The following HPSE2 variants were observed in gnomAD, a reference collection of about 807,000 sequenced individuals.
HPSE2 encodes the protein inactive heparanase-2.
HPSE2 carries 38 observed loss-of-function variants against 60.5 expected under a neutral mutation model. The observed-to-expected ratio is 0.63, with a 90% CI of 0.48 to 0.82. The LOEUF is 0.82. HPSE2 is among the 40% of genes least tolerant of loss of function. The pLI is 0.00. For synonymous variants in HPSE2, 295 were observed against 293.2 expected (o/e 1.01, Z -0.06); for missense variants, 713 against 740.4 (o/e 0.96, Z 0.43).
chr10:99,190,383 T>C (rs553951907), intron 2 of HPSE2, among the ~76,000 whole-genome samples: 15 of 152,334 alleles, frequency 9.8e-5, no homozygotes, highest in East Asian at 9.6e-4. Context: ...ATCTGTTACA[T>C]AGAATTTCTG....
chr10:98,708,523 A>G (rs933868082), intron 5 of HPSE2, among the ~76,000 whole-genome samples: 20 of 152,150 alleles, frequency 1.3e-4, no homozygotes, highest in African/African-American at 4.8e-4. Context: ...TTTTAACCGT[A>G]GTGGTATATT....
At position 98,704,957 on chromosome 10, in the gene HPSE2, T is replaced by G. The variant is rs200520111; in HGVS notation, c.957-11010A>C. Among the ~76,000 whole-genome samples, 19 of 152,036 alleles carry G rather than the reference T, an allele frequency of 1.2e-4. No homozygotes were observed. In the East Asian group the frequency reaches 3.5e-3, roughly 28 times the overall value. On this transcript the variant is annotated intron_variant, in intron 5 of 11. Coordinates refer to ENST00000370552, the MANE Select transcript of HPSE2 (RefSeq NM_021828.5). The stretch of plus-strand genomic sequence containing the variant: ...TTCTGCCCAGCAAAAGAAACTACAA[T>G]CAGAGTAAATAGGCAACATACAGAA...
intron 3 of HPSE2, among the ~76,000 whole-genome samples, chr10:98,799,748 C>A (rs1328974242): frequency 6.7e-6 from 1 of 150,368 alleles, no homozygotes; most frequent in Non-Finnish European, 1.5e-5. Flanking sequence ...AATGAAAACA[C>A]AACATACCAC....
intron 5 of HPSE2, among the ~76,000 whole-genome samples, chr10:98,720,319 GGTT>G (rs757951392): frequency 9.2e-5 from 14 of 151,798 alleles, no homozygotes; most frequent in Non-Finnish European, 2.1e-4. Context: ...ATAAGAATTT[GGTT>G]GTGTTACTAA....
At chr10:99,046,577 C>T (rs1957860536) in intron 3 of HPSE2, among the ~76,000 whole-genome samples, 1 of 152,040 alleles carries the variant, frequency 6.6e-6, no homozygotes, top group Admixed American at 6.6e-5. Flanking sequence ...ACCTAGAAAA[C>T]CCTAAAGACT....
At chr10:99,264,288 TGTGTTA>T in the HPSE2 span, among the ~76,000 whole-genome samples, 2 of 152,122 alleles carry the variant, frequency 1.3e-5, no homozygotes, top group East Asian at 3.9e-4. Context: ...AGCATTTCAC[TGTGTTA>T]GCCTGGATGG....
chr10:99,307,867 C>T, the HPSE2 span, among the ~76,000 whole-genome samples: 6 of 151,416 alleles, frequency 4.0e-5, no homozygotes, highest in Non-Finnish European at 8.8e-5. Flanking sequence ...CACACACACA[C>T]AAATGGCTAC....
In HPSE2 at chr10:98,952,396, T is replaced by A. The variant is rs137888667; in HGVS notation, c.610+191842A>T. Among the ~76,000 whole-genome samples the A allele has an allele frequency of 6.8e-4, 102 of 150,924 alleles. 1 individual carries two copies. The highest frequency in any genetic ancestry group is 2.4e-3 in the African/African-American group (99 of 40,958). ...TAGTAGGGCAAAATGGGCAAGGGTT[T>A]GGAAGGTGGAAAGGAGTGGAAGGTG... is the stretch of plus-strand genomic sequence containing the variant. On this transcript the variant is annotated intron_variant, in intron 3 of 11. Transcript: ENST00000370552.
intron 3 of HPSE2, among the ~76,000 whole-genome samples, chr10:99,103,531 T>A (rs538922634): frequency 2.6e-5 from 4 of 152,188 alleles, no homozygotes; most frequent in South Asian, 4.2e-4. Context: ...GTAGGAAGAA[T>A]CGATATCGTG....
chr10:99,296,881 G>A, the HPSE2 span, among the ~76,000 whole-genome samples: 1 of 152,170 alleles, frequency 6.6e-6, no homozygotes, highest in East Asian at 1.9e-4. Flanking sequence ...TGGTCAGCAG[G>A]AAAGTAATCA....
chr10:98,635,368 T>C (rs1946469471), intron 7 of HPSE2, among the ~76,000 whole-genome samples: 1 of 152,154 alleles, frequency 6.6e-6, no homozygotes, highest in Non-Finnish European at 1.5e-5. Flanking sequence ...GATCCAGTAA[T>C]CCCAGTACAG....
intron 6 of HPSE2, among the ~76,000 whole-genome samples, chr10:98,657,594 C>T (rs1053800184): frequency 7.2e-5 from 11 of 152,182 alleles, no homozygotes; most frequent in Admixed American, 2.6e-4. Flanking sequence ...GCCTTGCTCT[C>T]CCAGAGTGCT....
rs889647215 is a variant in HPSE2 at position 99,148,791 on chromosome 10, A to C, written c.449-4392T>G. Among the ~76,000 whole-genome samples the C allele has an allele frequency of 6.7e-4, 27 of 40,024 alleles. No homozygotes were observed. In the South Asian group the frequency reaches 0.022, roughly 32 times the overall value. The allele number at this position is 40,024 out of a possible 152,430, so 26.3% of individuals were successfully genotyped here. A position where few individuals can be genotyped will look rare whatever the true frequency, so the allele number is the denominator to read the frequency against. ...GGCAAAAAGAGCGAAACTCCACTCA[A>C]TCAATCAATCAATCAATCAATCAAT... is the stretch of plus-strand genomic sequence containing the variant. On this transcript the variant is annotated intron_variant, in intron 2 of 11. Transcript: ENST00000370552.
At chr10:99,292,187 G>A in the HPSE2 span, among the ~76,000 whole-genome samples, 39 of 152,200 alleles carry the variant, frequency 2.6e-4, 1 homozygote, top group Admixed American at 1.3e-4. Context: ...CAAGTAGCCA[G>A]ACACATCACA....
At chr10:98,582,920 C>T (rs1299198916) in intron 9 of HPSE2, among the ~76,000 whole-genome samples, 1 of 152,102 alleles carries the variant, frequency 6.6e-6, no homozygotes, top group African/African-American at 2.4e-5. Flanking sequence ...CCCTGCCACC[C>T]CCAACCGTTT....
chr10:98,829,496 G>C (rs1951631597), intron 3 of HPSE2, among the ~76,000 whole-genome samples: 1 of 151,800 alleles, frequency 6.6e-6, no homozygotes, highest in African/African-American at 2.4e-5. Flanking sequence ...ACTCCAGCCT[G>C]GGCGACACAG....
chr10:98,476,686 A>C (rs959959178), intron 11 of HPSE2, among the ~76,000 whole-genome samples: 1 of 151,794 alleles, frequency 6.6e-6, no homozygotes, highest in Admixed American at 6.6e-5. Context: ...ACTGCTCGGG[A>C]GGTTGAGATG....
At chr10:98,651,920 T>C (rs503690) in intron 6 of HPSE2, among the ~76,000 whole-genome samples, 123,198 of 151,844 alleles carry the variant, frequency 0.81, 53,008 homozygotes, top group South Asian at 0.97. Context: ...TACAGGCACC[T>C]GCAACCATGC....
At chr10:98,910,831 A>AG (rs1554841208) in intron 3 of HPSE2, among the ~76,000 whole-genome samples, 2 of 152,184 alleles carry the variant, frequency 1.3e-5, no homozygotes, top group Non-Finnish European at 2.9e-5. Flanking sequence ...TTGAAAAAAA[A>AG]TTTTTAAGGT....
Sources: gnomAD v4.1 joint callset for allele counts (sites outside exome capture counted in the v4.1 genomes callset) on GRCh38, gnomAD v4.1.1 for gene constraint, MANE v1.5 for transcripts, NCBI Gene and HGNC (gene_info 2026-07-23, HGNC 2026-07-21) for gene names.